Variants in ZSWIM5 observed in about 807,000 individuals in gnomAD.
The protein encoded by ZSWIM5 is zinc finger SWIM domain-containing protein 5.
Under a neutral mutation model 119.6 loss-of-function variants are expected in ZSWIM5, and 55 were observed. The ratio of observed to expected loss-of-function variants is 0.46; its 90% confidence interval spans 0.37 to 0.58. The LOEUF (loss-of-function observed/expected upper bound fraction) is 0.58. ZSWIM5 is among the 20% of genes least tolerant of loss of function. ZSWIM5 has a pLI of 0.00. For synonymous variants in ZSWIM5, 537 were observed against 606.9 expected (o/e 0.88, Z 1.69); for missense variants, 1,193 against 1,512.8 (o/e 0.79, Z 3.51).
At chr1:45,055,188 C>T (rs1645114774) in intron 4 of ZSWIM5, among the ~76,000 whole-genome samples, 1 of 152,194 alleles carries the variant, frequency 6.6e-6, no homozygotes, top group Admixed American at 6.5e-5. Context: ...GATGGGGTTT[C>T]ACCGTGTCAG....
In ZSWIM5 at chr1:45,043,359, C is replaced by G; in HGVS notation, c.1469G>C (p.Arg490Thr). 1 of 1,614,150 alleles carries G rather than the reference C, an allele frequency of 6.2e-7. No individual in the cohort carries two copies. The highest frequency in any genetic ancestry group is 8.5e-7 in the Non-Finnish European group (1 of 1,180,026). The change falls in exon 6 of 14, where the codon AGA becomes ACA. Residue 490 changes from arginine to threonine, a missense_variant. This residue lies in a region of ZSWIM5 where 961 missense variants were observed against 1,290.0 expected (regional missense o/e 0.74). Coordinates refer to ENST00000359600, the MANE Select transcript of ZSWIM5 (RefSeq NM_020883.2). The part of the protein sequence containing the change: ...LSRPRRTVFT[R>T]AIEGRELHWQ... ...ATGTAATTCACGCCCCTCAATGGCT[C>G]TAGTGAATACTGTTCGTCTTGGTCT...
chr1:45,087,032 C>T (rs149295027), intron 2 of ZSWIM5, among the ~76,000 whole-genome samples: 1,687 of 152,030 alleles, frequency 0.011, 15 homozygotes, highest in Non-Finnish European at 0.019. Flanking sequence ...TACAGGCATG[C>T]ACCATCATGC....
At chr1:45,052,369 C>A (rs1453305665) in intron 4 of ZSWIM5, among the ~76,000 whole-genome samples, 1 of 151,996 alleles carries the variant, frequency 6.6e-6, no homozygotes, top group African/African-American at 2.4e-5. Flanking sequence ...GTAGTTACAT[C>A]CATGGATAGA....
chr1:45,180,690 G>C (rs947337121), intron 1 of ZSWIM5, among the ~76,000 whole-genome samples: 1 of 152,098 alleles, frequency 6.6e-6, no homozygotes, highest in Non-Finnish European at 1.5e-5. Flanking sequence ...CCCCCAGTAG[G>C]GGCAGACTGA....
At chr1:45,155,224 A>G (rs1359760185) in intron 1 of ZSWIM5, among the ~76,000 whole-genome samples, 1 of 152,152 alleles carries the variant, frequency 6.6e-6, no homozygotes, top group Non-Finnish European at 1.5e-5. Context: ...GGCTAAGGAC[A>G]TGAATAGACA....
At chr1:45,133,219 C>T (rs920935890) in intron 1 of ZSWIM5, among the ~76,000 whole-genome samples, 2 of 152,226 alleles carry the variant, frequency 1.3e-5, no homozygotes, top group Non-Finnish European at 1.5e-5. Flanking sequence ...AACTAGTTTA[C>T]AGTCCCACCA....
intron 1 of ZSWIM5, among the ~76,000 whole-genome samples, chr1:45,132,768 G>A (rs902984908): frequency 6.6e-6 from 1 of 151,644 alleles, no homozygotes; most frequent in African/African-American, 2.4e-5. Context: ...CCCACTCCCC[G>A]CACCCCACAA....
rs116176879 is a variant in ZSWIM5 at position 45,054,309 on chromosome 1, G to A, written c.1253-3056C>T. The stretch of plus-strand genomic sequence containing the variant: ...CAATAAAAATAAATTTGGCCTGGGC[G>A]TGGTGGCTCATGTCTATGGTCCCAG... On this transcript the variant is annotated intron_variant, in intron 4 of 13. Coordinates refer to ENST00000359600, the MANE Select transcript of ZSWIM5 (RefSeq NM_020883.2). Among the ~76,000 whole-genome samples the A allele has an allele frequency of 9.9e-4, 150 of 152,160 alleles. 1 individual carries two copies. The highest frequency in any genetic ancestry group is 3.4e-3 in the African/African-American group (142 of 41,498).
At position 45,057,191 on chromosome 1, in the gene ZSWIM5, C is replaced by T. The variant is rs1645128618; in HGVS notation, c.1252+1418G>A. On this transcript the variant is annotated intron_variant, in intron 4 of 13. Coordinates refer to ENST00000359600, the MANE Select transcript of ZSWIM5 (RefSeq NM_020883.2). The surrounding 1 kb of genome is among the most constrained non-coding windows in gnomAD (Gnocchi z 4.7). Reference sequence around the variant, plus strand: ...TTGAAATGCAAATTCTCAGGCTCCACTCCAAACCTACTAATTCAGAAACTC... The same window carrying T: ...TTGAAATGCAAATTCTCAGGCTCCATTCCAAACCTACTAATTCAGAAACTC... Among the ~76,000 whole-genome samples the T allele has an allele frequency of 6.6e-6, 1 of 152,238 alleles. No individual in the cohort carries two copies. Among genetic ancestry groups the T allele is most frequent in the South Asian group, 2.1e-4 (1 of 4,836 alleles).
chr1:45,121,292 A>G (rs956634891), intron 1 of ZSWIM5, among the ~76,000 whole-genome samples: 9 of 151,642 alleles, frequency 5.9e-5, no homozygotes, highest in Admixed American at 6.6e-5. Context: ...ATTTTTTCTC[A>G]TACAGTAGTC....
Position 45,155,125 on chromosome 1 carries a change from C to G in ZSWIM5, c.595+50631G>C, listed in dbSNP as rs138579607. ...CCCACAGAGTGGGAGAAAATCTTCA[C>G]GATCTATACATCCGACAAAGGACTA... On this transcript the variant is annotated intron_variant, in intron 1 of 13. Transcript: ENST00000359600. 1.9e-3 allele frequency among the ~76,000 whole-genome samples: 295 copies of G among 152,142 alleles called. 1 individual carries two copies. The highest frequency in any genetic ancestry group is 6.7e-3 in the African/African-American group (277 of 41,512).
At position 45,206,103 on chromosome 1, in the gene ZSWIM5, T is replaced by C. The variant is rs1646188632; in HGVS notation, c.248A>G (p.Glu83Gly). 1 of 1,611,574 alleles carries C rather than the reference T, an allele frequency of 6.2e-7. No individual in the cohort carries two copies. The highest frequency in any genetic ancestry group is 1.7e-5 in the Admixed American group (1 of 59,912). ...VAEKWAYERV[E>G]ERFERIPEPV... ...CTCCGGGATCCGCTCGAAGCGCTCC[T>C]CCACCCGTTCGTATGCCCACTTTTC... The change falls in exon 1 of 14, where the codon GAG becomes GGG. Residue 83 changes from glutamate to glycine, a missense_variant. This residue lies in a region of ZSWIM5 where 232 missense variants were observed against 222.9 expected (regional missense o/e 1.04). Transcript: ENST00000359600.
In ZSWIM5 at chr1:45,018,409, C is replaced by A. The variant is rs762266401; in HGVS notation, c.*45G>T. ...TCAGTGCCCTTGGCCTGACCTGATA[C>A]TACCTGGGAACCCAGGCTGCTCTGG... On this transcript the variant is annotated 3_prime_UTR_variant, in exon 14 of 14. Coordinates refer to ENST00000359600, the MANE Select transcript of ZSWIM5 (RefSeq NM_020883.2). This position sits in a 1 kb window ranked among gnomAD's most constrained non-coding sequence, Gnocchi z 6.7. 1.8e-5 allele frequency: 29 copies of A among 1,588,492 alleles called. No individual in the cohort carries two copies. Among genetic ancestry groups the A allele is most frequent in the Non-Finnish European group, 2.4e-5 (28 of 1,167,454 alleles).
intron 11 of ZSWIM5, among the ~76,000 whole-genome samples, chr1:45,027,014 AT>A (rs397808324): frequency 2.3e-4 from 34 of 147,870 alleles, no homozygotes; most frequent in South Asian, 8.6e-4. Flanking sequence ...AGTTGTTCAA[AT>A]TTTTTTTTTA....
chr1:45,096,290 C>T lies in ZSWIM5; in HGVS notation c.596-8053G>A, dbSNP rs566861585. Among the ~76,000 whole-genome samples the T allele has an allele frequency of 4.6e-4, 70 of 152,092 alleles. 1 individual carries two copies. The highest frequency in any genetic ancestry group is 7.6e-4 in the Non-Finnish European group (52 of 67,986). On this transcript the variant is annotated intron_variant, in intron 1 of 13. Transcript: ENST00000359600. Reference sequence around the variant, plus strand: ...ACCACAGTTAAAACACACACACGCACGCACACATACACACACACACCCCTA... The same window carrying T: ...ACCACAGTTAAAACACACACACGCATGCACACATACACACACACACCCCTA...
At chr1:45,050,496 G>A (rs778417743) in intron 5 of ZSWIM5, among the ~76,000 whole-genome samples, 8 of 152,112 alleles carry the variant, frequency 5.3e-5, no homozygotes, top group African/African-American at 1.9e-4. Context: ...AAACTGATAC[G>A]AATGCTGATG....
At chr1:45,029,022 T>C (rs186997476) in intron 11 of ZSWIM5, among the ~76,000 whole-genome samples, 6 of 152,330 alleles carry the variant, frequency 3.9e-5, no homozygotes, top group Admixed American at 3.9e-4. Flanking sequence ...TCTGAACCAT[T>C]TGAAAGTAAG....
intron 1 of ZSWIM5, among the ~76,000 whole-genome samples, chr1:45,142,891 C>G (rs562379414): frequency 2.6e-4 from 39 of 151,518 alleles, no homozygotes; most frequent in African/African-American, 8.7e-4. Context: ...CTATAGACTG[C>G]TGGACATGGT....
chr1:45,068,438 G>A (rs902573306), intron 2 of ZSWIM5, among the ~76,000 whole-genome samples: 1 of 151,362 alleles, frequency 6.6e-6, no homozygotes, highest in Non-Finnish European at 1.5e-5. Context: ...TTAATGTACG[G>A]TGAGCTGAAA....
Sources: gnomAD v4.1 joint callset for allele counts (sites outside exome capture counted in the v4.1 genomes callset) on GRCh38, gnomAD v4.1.1 for gene constraint, gnomAD v4.1.1 regional missense constraint, Gnocchi (gnomAD v3.1) non-coding constraint, MANE v1.5 for transcripts, NCBI Gene and HGNC (gene_info 2026-07-23, HGNC 2026-07-21) for gene names.